TUBGCP5: variants seen among roughly 807,000 people sequenced by gnomAD.
The protein encoded by TUBGCP5 is tubulin gamma complex component 5.
In TUBGCP5, 98 loss-of-function variants were observed where a neutral mutation model predicts 134.7. The observed-to-expected ratio is 0.73, with a 90% CI of 0.62 to 0.86. The LOEUF (loss-of-function observed/expected upper bound fraction) is 0.86, where lower values mean the gene tolerates loss of function less well. TUBGCP5 is among the 40% of genes least tolerant of loss of function. TUBGCP5 has a pLI of 0.00. For synonymous variants in TUBGCP5, 456 were observed against 431.4 expected (o/e 1.06, Z -0.71); for missense variants, 1,150 against 1,244.8 (o/e 0.92, Z 1.15).
chr15:22,990,060 G>A (rs1048423821), intron 23 of TUBGCP5, among the ~76,000 whole-genome samples: 7 of 152,148 alleles, frequency 4.6e-5, no homozygotes, highest in African/African-American at 1.4e-4. Flanking sequence ...TGTGCACAGA[G>A]TTAACATTCC....
chr15:22,988,491 TG>T lies in TUBGCP5; in HGVS notation c.*62-4881del, dbSNP rs112334720. ...GCTGAAGCCTGTAATCCCAGCACTT[TG>T]GGAGGCCAAGGCGGGCGTATCACGA... is the stretch of plus-strand genomic sequence containing the variant. On this transcript the variant is annotated intron_variant and NMD_transcript_variant, in intron 23 of 23. Coordinates refer to the TUBGCP5 transcript ENST00000614508. Among the ~76,000 whole-genome samples, 399 of 151,762 alleles carry T rather than the reference TG, an allele frequency of 2.6e-3. 4 individuals are homozygous for T. The highest frequency in any genetic ancestry group is 9.4e-3 in the African/African-American group (389 of 41,274).
intron 6 of TUBGCP5, among the ~76,000 whole-genome samples, chr15:23,027,953 G>A (rs1486469622): frequency 6.6e-6 from 1 of 152,068 alleles, no homozygotes; most frequent in Non-Finnish European, 1.5e-5. Context: ...TCTCAGGACT[G>A]GTGCTAAATT....
At chr15:22,994,457 A>T (rs1291256937), downstream of TUBGCP5, among the ~76,000 whole-genome samples, 2 of 152,214 alleles carry the variant, frequency 1.3e-5, no homozygotes, top group Non-Finnish European at 1.5e-5. Flanking sequence ...ACACATGAGC[A>T]AAGGAACAGC....
intron 6 of TUBGCP5, among the ~76,000 whole-genome samples, chr15:23,029,957 C>T (rs1291046640): frequency 6.6e-6 from 1 of 151,874 alleles, no homozygotes; most frequent in Admixed American, 6.6e-5. Context: ...CACTTTGGGA[C>T]GCAGAGGCGG....
At chr15:23,033,471 G>A (rs2066425768) in intron 3 of TUBGCP5, among the ~76,000 whole-genome samples, 1 of 152,110 alleles carries the variant, frequency 6.6e-6, no homozygotes, top group Non-Finnish European at 1.5e-5. Flanking sequence ...TAGAGATGGG[G>A]TTTCACCATG....
At chr15:23,022,206 T>G in intron 10 of TUBGCP5, 45 bp from the exon 11 acceptor site, 1 of 1,589,134 alleles carries the variant, frequency 6.3e-7, no homozygotes, top group Admixed American at 1.7e-5. Context: ...GAAAAATACA[T>G]GCATCTAAAA....
At chr15:23,032,884 T>C (rs901703963) in intron 3 of TUBGCP5, 60 bp from the exon 4 acceptor site, 4 of 1,277,380 alleles carry the variant, frequency 3.1e-6, no homozygotes, top group East Asian at 2.6e-5. Context: ...CTACACCAGA[T>C]TGAGTAAAGA....
intron 13 of TUBGCP5, among the ~76,000 whole-genome samples, chr15:23,011,888 G>A (rs1393321824): frequency 0.02 from 3,000 of 150,620 alleles, 55 homozygotes; most frequent in Non-Finnish European, 0.028. Context: ...GGCTGAGGCG[G>A]GTGGATCACT....
rs367571360 is a variant in TUBGCP5 at position 23,011,274 on chromosome 15, C to T, written c.1814G>A (p.Arg605Gln). The change falls in exon 14 of 23, where the codon CGA becomes CAA. Residue 605 changes from arginine (R) to glutamine (Q), a missense_variant. By Grantham distance (43) the Arg-to-Gln change is conservative. Transcript: ENST00000615383. ...LFLESVQSRL[R>Q]HGEDSTPQVL... is the part of the protein sequence containing the mutation. The stretch of plus-strand genomic sequence containing the variant: ...CTGTGGAGTGGAATCTTCTCCATGT[C>T]GAAGACGGGACTGTACAGATTCCAG... 15 of 1,613,690 alleles carry T rather than the reference C, an allele frequency of 9.3e-6. No individual in the cohort carries two copies. The highest frequency in any genetic ancestry group is 1.3e-5 in the African/African-American group (1 of 74,850).
chr15:23,021,843 T>C (rs1339888536), intron 11 of TUBGCP5, 116 bp downstream of exon 11: 5 of 1,142,500 alleles, frequency 4.4e-6, no homozygotes, highest in Admixed American at 2.1e-5. Context: ...ATTTAAAAAC[T>C]CTGAACTGTC....
intron 7 of TUBGCP5, among the ~76,000 whole-genome samples, chr15:23,026,718 A>G (rs986253458): frequency 6.6e-6 from 1 of 152,148 alleles, no homozygotes; most frequent in African/African-American, 2.4e-5. Context: ...GGATCACTTG[A>G]GGACAGGAGT....
chr15:23,021,599 C>A (rs969556697), intron 11 of TUBGCP5, among the ~76,000 whole-genome samples: 1 of 152,194 alleles, frequency 6.6e-6, no homozygotes, highest in Non-Finnish European at 1.5e-5. Context: ...GCTCCCCATT[C>A]CCCAGCCCTT....
At chr15:23,007,200 G>A (rs921412377) in intron 16 of TUBGCP5, among the ~76,000 whole-genome samples, 1 of 152,020 alleles carries the variant, frequency 6.6e-6, no homozygotes, top group African/African-American at 2.4e-5. Flanking sequence ...TCAGGAGATC[G>A]AGACCATCCT....
At chr15:22,987,721 C>A (rs1453627014) in intron 23 of TUBGCP5, among the ~76,000 whole-genome samples, 4 of 151,480 alleles carry the variant, frequency 2.6e-5, no homozygotes, top group Admixed American at 2.6e-4. Context: ...ACGGTGAAAC[C>A]CCGTCTCTAC....
At chr15:23,038,410 T>G (rs1453466262) in intron 1 of TUBGCP5, among the ~76,000 whole-genome samples, 1 of 152,170 alleles carries the variant, frequency 6.6e-6, no homozygotes, top group African/African-American at 2.4e-5. Context: ...AGTAGAAAAA[T>G]AACTTGGATT....
At chr15:23,005,727 G>T (rs1410005643) in intron 18 of TUBGCP5, 117 bp from the exon 19 acceptor site, 4 of 1,102,794 alleles carry the variant, frequency 3.6e-6, no homozygotes, top group Non-Finnish European at 5.2e-6. Context: ...GAAAGCACTG[G>T]CAGGGGTGGC....
intron 1 of TUBGCP5, 66 bp downstream of exon 1, chr15:23,039,332 T>C: frequency 8.0e-7 from 1 of 1,252,410 alleles, no homozygotes; most frequent in Non-Finnish European, 1.0e-6. Context: ...GACCCCGGGC[T>C]GTGCGGGACC....
intron 3 of TUBGCP5, among the ~76,000 whole-genome samples, chr15:23,033,552 C>T (rs1416715769): frequency 6.6e-6 from 1 of 152,184 alleles, no homozygotes; most frequent in Admixed American, 6.5e-5. Flanking sequence ...ACTGGGATTA[C>T]AGGCATGGGC....
At chr15:23,005,247 C>T (rs904242268) in intron 19 of TUBGCP5, among the ~76,000 whole-genome samples, 185 bp downstream of exon 19, 19 of 152,284 alleles carry the variant, frequency 1.2e-4, no homozygotes, top group African/African-American at 4.6e-4. Context: ...TCTGGATACA[C>T]ATATTCCGGT....
Sources: gnomAD v4.1 joint callset for allele counts (sites outside exome capture counted in the v4.1 genomes callset) on GRCh38, gnomAD v4.1.1 for gene constraint, MANE v1.5 for transcripts, NCBI Gene and HGNC (gene_info 2026-07-23, HGNC 2026-07-21) for gene names.